RUNX1: variants seen among roughly 807,000 people sequenced by gnomAD.
RUNX1 encodes RUNX family transcription factor 1.
A neutral mutation model predicts 42.8 loss-of-function variants in RUNX1; 19 were observed. That is an observed-to-expected ratio of 0.44 (90% CI 0.31 to 0.65). The LOEUF (loss-of-function observed/expected upper bound fraction) is 0.65. Ranked by LOEUF, RUNX1 falls within the 30% of genes least tolerant of loss-of-function variation. The probability of loss-of-function intolerance (pLI) is 0.07; values close to 1 mark genes in which losing one functional copy is unlikely to be tolerated. For missense variants in RUNX1, 528 were observed against 672.0 expected (o/e 0.79, Z 2.37); for synonymous variants, 271 against 289.4 (o/e 0.94, Z 0.64).
intron 2 of RUNX1, among the ~76,000 whole-genome samples, chr21:34,939,933 C>T (rs1029398509): frequency 6.6e-6 from 1 of 152,116 alleles, no homozygotes; most frequent in African/African-American, 2.4e-5. Context: ...CATGCCTCTC[C>T]CCTTCCTATT....
chr21:34,827,588 C>T (rs544245316), intron 7 of RUNX1, among the ~76,000 whole-genome samples: 1 of 152,190 alleles, frequency 6.6e-6, no homozygotes, highest in East Asian at 1.9e-4. Flanking sequence ...GCCCAGAGCT[C>T]TAGGAGGGTA....
At chr21:34,934,524 C>T (rs1444834913) in intron 2 of RUNX1, among the ~76,000 whole-genome samples, 2 of 152,180 alleles carry the variant, frequency 1.3e-5, no homozygotes, top group East Asian at 3.8e-4. Flanking sequence ...ATTGGTCCAG[C>T]TCGCTGTGTC....
At chr21:34,963,341 C>T (rs565633663) in intron 2 of RUNX1, among the ~76,000 whole-genome samples, 83 of 152,286 alleles carry the variant, frequency 5.5e-4, no homozygotes, top group African/African-American at 2.0e-3. Flanking sequence ...CTGTCCAGGA[C>T]AGTAGTGGCC....
chr21:34,805,157 A>G (rs996235537), intron 7 of RUNX1, among the ~76,000 whole-genome samples: 5 of 152,198 alleles, frequency 3.3e-5, no homozygotes, highest in African/African-American at 1.2e-4. Flanking sequence ...CAAAGAACCA[A>G]TGAACTTGAA....
At chr21:34,973,659 C>T (rs537885918) in intron 2 of RUNX1, among the ~76,000 whole-genome samples, 1 of 152,316 alleles carries the variant, frequency 6.6e-6, no homozygotes, top group African/African-American at 2.4e-5. Flanking sequence ...GAGAACAACA[C>T]AAACCTCCCT....
chr21:34,842,795 G>A (rs1273195869), intron 6 of RUNX1, among the ~76,000 whole-genome samples: 1 of 152,044 alleles, frequency 6.6e-6, no homozygotes, highest in Non-Finnish European at 1.5e-5. Flanking sequence ...GCAGCTGGGC[G>A]CGGTGGCTCA....
At chr21:34,840,703 C>T (rs774768797) in intron 6 of RUNX1, among the ~76,000 whole-genome samples, 7 of 152,162 alleles carry the variant, frequency 4.6e-5, no homozygotes, top group Non-Finnish European at 7.4e-5. Flanking sequence ...GCCCAGCCTG[C>T]GATCCCACCT....
In RUNX1 at chr21:34,994,324, T is replaced by A. The variant is rs76724733; in HGVS notation, c.58+54518A>T. 6.3e-3 allele frequency among the ~76,000 whole-genome samples: 953 copies of A among 152,288 alleles called. 31 individuals are homozygous for A. In the East Asian group the frequency reaches 0.087, roughly 14 times the overall value. ...GTGTAAACTATGTAAAATGCAATAA[T>A]GTGTAAGACCTGGTATTTGACAGCA... On this transcript the variant is annotated intron_variant, in intron 2 of 8. Transcript: ENST00000675419.
intron 5 of RUNX1, among the ~76,000 whole-genome samples, chr21:34,871,846 CT>C (rs10546742): frequency 0.14 from 20,382 of 143,118 alleles, 2,004 homozygotes; most frequent in African/African-American, 0.28. Context: ...GCTTTTATCA[CT>C]TTTTTTTTTT....
intron 8 of RUNX1, among the ~76,000 whole-genome samples, chr21:34,797,727 G>A (rs1328152662): frequency 6.6e-6 from 1 of 152,112 alleles, no homozygotes; most frequent in African/African-American, 2.4e-5. Flanking sequence ...TGAAAATATT[G>A]GCATTAATGG....
chr21:34,876,485 TC>T (rs2057816347), intron 5 of RUNX1, among the ~76,000 whole-genome samples: 1 of 152,154 alleles, frequency 6.6e-6, no homozygotes, highest in Non-Finnish European at 1.5e-5. Flanking sequence ...GGTCTGTGGA[TC>T]CCCAGAAGGT....
intron 5 of RUNX1, among the ~76,000 whole-genome samples, chr21:34,877,730 G>C (rs566431353): frequency 4.2e-4 from 64 of 152,340 alleles, no homozygotes; most frequent in African/African-American, 1.5e-3. Flanking sequence ...ATGGCAGCCA[G>C]CGCCCAGATA....
At chr21:34,970,894 A>G (rs1167332926) in intron 2 of RUNX1, among the ~76,000 whole-genome samples, 2 of 152,226 alleles carry the variant, frequency 1.3e-5, no homozygotes, top group African/African-American at 4.8e-5. Context: ...TTAAAAGAAA[A>G]AAAAAGGTCT....
At chr21:34,814,451 G>A (rs2056798552) in intron 7 of RUNX1, among the ~76,000 whole-genome samples, 1 of 152,144 alleles carries the variant, frequency 6.6e-6, no homozygotes, top group African/African-American at 2.4e-5. Context: ...GATTTTAAAT[G>A]CTTTTATGGA....
chr21:34,882,191 T>C (rs377732675), intron 4 of RUNX1, among the ~76,000 whole-genome samples: 2 of 152,244 alleles, frequency 1.3e-5, no homozygotes, highest in South Asian at 4.1e-4. Context: ...GACTCACTTG[T>C]ATGATATCGA....
intron 5 of RUNX1, among the ~76,000 whole-genome samples, chr21:34,870,821 G>A (rs1213452658): frequency 6.6e-6 from 1 of 152,102 alleles, no homozygotes. Flanking sequence ...ATCCAGGCGT[G>A]GTGGTGCAAG....
At chr21:34,981,730 A>T (rs2058847711) in intron 2 of RUNX1, among the ~76,000 whole-genome samples, 1 of 152,200 alleles carries the variant, frequency 6.6e-6, no homozygotes, top group Non-Finnish European at 1.5e-5. Flanking sequence ...TTGCTTGATT[A>T]TTCAAATGTT....
At chr21:34,989,745 G>C (rs1043418595) in intron 2 of RUNX1, among the ~76,000 whole-genome samples, 1 of 152,204 alleles carries the variant, frequency 6.6e-6, no homozygotes, top group Non-Finnish European at 1.5e-5. Flanking sequence ...TGTCTAGTAA[G>C]ATTTCTGACC....
At chr21:34,950,515 G>C (rs2058598941) in intron 2 of RUNX1, among the ~76,000 whole-genome samples, 1 of 152,158 alleles carries the variant, frequency 6.6e-6, no homozygotes, top group South Asian at 2.1e-4. Context: ...GAGGCAGGTG[G>C]ATCACTTGAG....
Sources: gnomAD v4.1 joint callset for allele counts (sites outside exome capture counted in the v4.1 genomes callset) on GRCh38, gnomAD v4.1.1 for gene constraint, MANE v1.5 for transcripts, NCBI Gene and HGNC (gene_info 2026-07-23, HGNC 2026-07-21) for gene names.